Variants in PLPPR1 observed in about 807,000 individuals in gnomAD.
PLPPR1 encodes the protein phospholipid phosphatase-related protein type 1.
In PLPPR1, 10 loss-of-function variants were observed where a neutral mutation model predicts 33.1. That is an observed-to-expected ratio of 0.30 (90% confidence interval 0.19 to 0.51). PLPPR1 has a LOEUF of 0.51. Among genes scored for constraint, PLPPR1 ranks in the 20% least tolerant of loss-of-function variants. PLPPR1 has a pLI of 0.97. For missense variants in PLPPR1, 304 were observed against 408.1 expected (o/e 0.74, Z 2.20); for synonymous variants, 151 against 151.0 (o/e 1.00, Z 0.00).
intron 3 of PLPPR1, among the ~76,000 whole-genome samples, chr9:101,274,191 ACCC>A (rs1351951616): frequency 6.6e-6 from 1 of 152,108 alleles, no homozygotes; most frequent in Admixed American, 6.6e-5. Flanking sequence ...ATACTGACAA[ACCC>A]CCCAAATATA....
intron 2 of PLPPR1, among the ~76,000 whole-genome samples, chr9:101,222,803 G>A (rs1275429168): frequency 6.6e-6 from 1 of 152,072 alleles, no homozygotes; most frequent in East Asian, 1.9e-4. Context: ...GAATTTGTGT[G>A]AGACCATTCA....
chr9:101,170,443 C>A lies in PLPPR1; in HGVS notation c.-45-15007C>A, dbSNP rs367985304. ...ACTCCTCTTTATAAAACCATCAGAT[C>A]TCATGAGAAAGAACCCCCAATGATT... On this transcript the variant is annotated intron_variant, in intron 1 of 7. Coordinates refer to ENST00000374874, the MANE Select transcript of PLPPR1 (RefSeq NM_207299.2). Among the ~76,000 whole-genome samples the A allele has an allele frequency of 1.6e-3, 242 of 152,198 alleles. 3 individuals are homozygous for A. The highest frequency in any genetic ancestry group is 5.0e-3 in the African/African-American group (208 of 41,536).
At chr9:101,158,127 G>T (rs901733106) in intron 1 of PLPPR1, among the ~76,000 whole-genome samples, 2 of 152,126 alleles carry the variant, frequency 1.3e-5, no homozygotes, top group Non-Finnish European at 2.9e-5. Context: ...GTGTTAGTTG[G>T]GTTTGGCACT....
At position 101,180,869 on chromosome 9, in the gene PLPPR1, G is replaced by A. The variant is rs372394989; in HGVS notation, c.-45-4581G>A. Among the ~76,000 whole-genome samples the A allele has an allele frequency of 2.0e-3, 306 of 151,798 alleles. 2 individuals are homozygous for A. The highest frequency in any genetic ancestry group is 7.0e-3 in the African/African-American group (290 of 41,426). ...TATGACCCCAAAAGCACAAGCACAA[G>A]CAAAATATAAACAAACGGGATTACA... On this transcript the variant is annotated intron_variant, in intron 1 of 7. Transcript: ENST00000374874.
At chr9:101,029,689 C>T (rs1415119667) in intron 1 of PLPPR1, among the ~76,000 whole-genome samples, 1 of 152,166 alleles carries the variant, frequency 6.6e-6, no homozygotes, top group African/African-American at 2.4e-5. Flanking sequence ...CATCGAGCTC[C>T]GGTGCCAAAG....
At chr9:101,047,209 C>T (rs1830163459) in intron 1 of PLPPR1, among the ~76,000 whole-genome samples, 1 of 152,176 alleles carries the variant, frequency 6.6e-6, no homozygotes, top group Admixed American at 6.5e-5. Flanking sequence ...CTCTCATATA[C>T]ATACATTTAG....
At chr9:101,181,685 C>T (rs1331358457) in intron 1 of PLPPR1, among the ~76,000 whole-genome samples, 5 of 144,952 alleles carry the variant, frequency 3.4e-5, no homozygotes, top group Non-Finnish European at 6.1e-5. Flanking sequence ...TGTATATACA[C>T]ACACACATAC....
At chr9:101,114,741 G>C (rs2118582554) in intron 1 of PLPPR1, among the ~76,000 whole-genome samples, 1 of 152,294 alleles carries the variant, frequency 6.6e-6, no homozygotes, top group Admixed American at 6.5e-5. Flanking sequence ...TTACATATCT[G>C]CCTCTCTAAG....
At chr9:101,060,465 T>C (rs1293503748) in intron 1 of PLPPR1, among the ~76,000 whole-genome samples, 1 of 152,002 alleles carries the variant, frequency 6.6e-6, no homozygotes, top group African/African-American at 2.4e-5. Flanking sequence ...TTCATATGTT[T>C]TCACTACAAA....
At chr9:101,266,616 A>G (rs1828004172) in intron 2 of PLPPR1, among the ~76,000 whole-genome samples, 1 of 152,116 alleles carries the variant, frequency 6.6e-6, no homozygotes, top group Non-Finnish European at 1.5e-5. Context: ...AAATTTTTAT[A>G]AACTTTTAAT....
At chr9:101,057,350 C>A (rs972395186) in intron 1 of PLPPR1, among the ~76,000 whole-genome samples, 1 of 152,056 alleles carries the variant, frequency 6.6e-6, no homozygotes, top group Non-Finnish European at 1.5e-5. Flanking sequence ...CAAAAATGTA[C>A]TGTAAGTAGC....
intron 1 of PLPPR1, among the ~76,000 whole-genome samples, chr9:101,059,305 T>C (rs1190089366): frequency 6.6e-6 from 1 of 152,126 alleles, no homozygotes; most frequent in South Asian, 2.1e-4. Flanking sequence ...GAAAAGGTTT[T>C]AGCATGTTTT....
At chr9:101,232,836 C>T (rs1827218729) in intron 2 of PLPPR1, among the ~76,000 whole-genome samples, 1 of 151,956 alleles carries the variant, frequency 6.6e-6, no homozygotes, top group South Asian at 2.1e-4. Context: ...AGGCACTCAA[C>T]ATTACGAGGG....
At chr9:101,193,076 GCTCTACAAGTAGAGTATTTTGAGATAT>G (rs1461730721) in intron 2 of PLPPR1, among the ~76,000 whole-genome samples, 4 of 152,080 alleles carry the variant, frequency 2.6e-5, no homozygotes, top group Non-Finnish European at 5.9e-5. Flanking sequence ...CAGAATTGAG[GCTCTACAAGTAGAGTATTTTGAGATAT>G]AGTCCACTCT....
intron 1 of PLPPR1, among the ~76,000 whole-genome samples, chr9:101,160,067 G>A (rs550547517): frequency 1.1e-3 from 172 of 152,170 alleles, no homozygotes; most frequent in South Asian, 5.4e-3. Context: ...AGATGAAAAG[G>A]CCTCTTCAAA....
chr9:101,309,489 AGTC>A (rs751326136), intron 5 of PLPPR1, 28 bp downstream of exon 5: 2 of 1,606,104 alleles, frequency 1.2e-6, no homozygotes, highest in South Asian at 2.2e-5. Context: ...GTCTCTCCTA[AGTC>A]CAGTTTTTGA....
At chr9:101,239,037 G>A (rs1588089817) in intron 2 of PLPPR1, among the ~76,000 whole-genome samples, 1 of 148,448 alleles carries the variant, frequency 6.7e-6, no homozygotes, top group Non-Finnish European at 1.5e-5. Context: ...TACTCATGCT[G>A]AATAAATAGC....
chr9:101,078,927 A>G (rs1830582659), intron 1 of PLPPR1, among the ~76,000 whole-genome samples: 1 of 152,220 alleles, frequency 6.6e-6, no homozygotes, highest in Non-Finnish European at 1.5e-5. Flanking sequence ...AATTAATGTC[A>G]TCCTCTAAAC....
chr9:101,284,839 T>C (rs1266367949), intron 3 of PLPPR1, among the ~76,000 whole-genome samples: 6 of 152,174 alleles, frequency 3.9e-5, no homozygotes, highest in Non-Finnish European at 8.8e-5. Flanking sequence ...AAATCACAGG[T>C]CTATGTACAG....
Sources: allele counts gnomAD v4.1 joint callset (sites outside exome capture counted in the v4.1 genomes callset), GRCh38; gene constraint gnomAD v4.1.1; transcripts MANE v1.5; gene names NCBI Gene and HGNC (gene_info 2026-07-23, HGNC 2026-07-21).